MEIG1: variants seen among roughly 807,000 people sequenced by gnomAD.
The protein encoded by MEIG1 is meiosis expressed gene 1 protein homolog.
MEIG1 carries 12 observed loss-of-function variants against 11.3 expected under a neutral mutation model. The observed-to-expected ratio is 1.07, with a 90% confidence interval of 0.68 to 1.73. MEIG1 has a LOEUF of 1.73. Among genes scored for constraint, MEIG1 ranks in the 40% most tolerant of loss-of-function variants. The probability of loss-of-function intolerance (pLI) is 0.00; values close to 1 mark genes in which losing one functional copy is unlikely to be tolerated. For synonymous variants in MEIG1, 41 were observed against 33.2 expected, an observed-to-expected ratio of 1.24 and a Z score of -0.81; for missense variants, 119 against 104.9, an observed-to-expected ratio of 1.13 and a Z score of -0.59.
chr10:14,966,601 T>C lies in MEIG1; in HGVS notation c.133T>C (p.Ser45Pro), dbSNP rs765841850. 3.8e-5 allele frequency: 61 copies of C among 1,608,232 alleles called. No individual in the cohort carries two copies. The highest frequency in any genetic ancestry group is 5.2e-5 in the Non-Finnish European group (61 of 1,178,270). The change falls in exon 2 of 3, where the codon TCT becomes CCT. Residue 45 changes from serine (S) to proline (P), a missense_variant. Coordinates refer to ENST00000407572, the MANE Select transcript of MEIG1 (RefSeq NM_001080836.3). ...ETEYRQVKQV[S>P]MVDRWPETGY... ...CGAATATAGACAAGTGAAACAAGTT[T>C]CTATGGTAAGATTTCTGTCTCTACA...
downstream of MEIG1, among the ~76,000 whole-genome samples, chr10:14,973,723 T>C (rs1589212815): frequency 8.2e-6 from 1 of 121,496 alleles, no homozygotes; most frequent in African/African-American, 3.2e-5. Context: ...TGAGCCAAGA[T>C]CCCGCCACTG....
intron 1 of MEIG1, among the ~76,000 whole-genome samples, chr10:14,985,340 A>G (rs1468276491): frequency 6.6e-6 from 1 of 151,990 alleles, no homozygotes; most frequent in East Asian, 1.9e-4. Flanking sequence ...ACCCTGTGAT[A>G]TTATTTGTAA....
At position 14,960,045 on chromosome 10, in the gene MEIG1, T is replaced by G. The variant is rs1214170548; in HGVS notation, c.-30+488T>G. Among the ~76,000 whole-genome samples, 5 of 152,154 alleles carry G rather than the reference T, an allele frequency of 3.3e-5. No homozygotes were observed. The South Asian group carries it at 1.0e-3, about 32-fold the overall frequency. On this transcript the variant is annotated intron_variant, in intron 1 of 2. Transcript: ENST00000407572. ...CTCCCAGAGCAGGGACCGCCGGGCGTGCTTTCGGAACCGCTTTTGTCTTTC... is the reference window on the plus strand; with the variant it reads ...CTCCCAGAGCAGGGACCGCCGGGCGGGCTTTCGGAACCGCTTTTGTCTTTC...
chr10:14,984,072 C>T (rs143907291), intron 1 of MEIG1, among the ~76,000 whole-genome samples: 2 of 152,134 alleles, frequency 1.3e-5, no homozygotes, highest in Non-Finnish European at 2.9e-5. Flanking sequence ...AGGATGTACA[C>T]CCGTGTATGA....
At chr10:14,984,461 A>C (rs144834083) in intron 1 of MEIG1, among the ~76,000 whole-genome samples, 130 of 152,174 alleles carry the variant, frequency 8.5e-4, no homozygotes, top group African/African-American at 2.6e-3. Flanking sequence ...GATGTTATTC[A>C]CAGTATCCTA....
At chr10:14,963,687 G>C (rs928764688) in intron 1 of MEIG1, among the ~76,000 whole-genome samples, 1 of 152,138 alleles carries the variant, frequency 6.6e-6, no homozygotes, top group Non-Finnish European at 1.5e-5. Flanking sequence ...AAACTGGACC[G>C]GGTGCGGTGG....
chr10:14,972,616 A>G lies in MEIG1; in HGVS notation c.242A>G (p.His81Arg), dbSNP rs1257411048. The G allele has an allele frequency of 6.2e-7, 1 of 1,611,898 alleles. No individual in the cohort carries two copies. Among genetic ancestry groups the G allele is most frequent in the Non-Finnish European group, 8.5e-7 (1 of 1,179,080 alleles). The change falls in exon 3 of 3, where the codon CAC becomes CGC. Residue 81 changes from histidine (H) to arginine (R), a missense_variant. Coordinates refer to ENST00000407572, the MANE Select transcript of MEIG1 (RefSeq NM_001080836.3). ...KQRECDDKEVHKVKIYAY is the reference protein window; with the variant it reads ...KQRECDDKEVRKVKIYAY ...AGGGAATGTGATGACAAAGAAGTCC[A>G]CAAAGTGAAAATTTATGCTTACTAG... is the stretch of plus-strand genomic sequence containing the variant.
At chr10:14,956,365 G>T (rs1171319594), upstream of MEIG1, among the ~76,000 whole-genome samples, 2 of 151,992 alleles carry the variant, frequency 1.3e-5, no homozygotes, top group Non-Finnish European at 2.9e-5. Context: ...GATCACCCGA[G>T]GTCAGGAGTT....
At chr10:14,957,295 A>G (rs1842961330), upstream of MEIG1, among the ~76,000 whole-genome samples, 1 of 152,222 alleles carries the variant, frequency 6.6e-6, no homozygotes. Context: ...AGTAGAGCTC[A>G]GATTTAAATC....
chr10:14,957,510 G>A (rs1842963197), upstream of MEIG1, among the ~76,000 whole-genome samples: 1 of 152,232 alleles, frequency 6.6e-6, no homozygotes. Flanking sequence ...GAAGGAGGGA[G>A]GGTGTTGTGA....
intron 1 of MEIG1, among the ~76,000 whole-genome samples, chr10:14,984,542 G>A (rs965359450): frequency 2.0e-5 from 3 of 151,986 alleles, no homozygotes; most frequent in Admixed American, 1.3e-4. Flanking sequence ...CTAAGGGGAG[G>A]TTACTTTTAT....
downstream of MEIG1, among the ~76,000 whole-genome samples, chr10:14,975,263 G>T (rs140083510): frequency 5.9e-4 from 90 of 152,120 alleles, no homozygotes; most frequent in Non-Finnish European, 9.9e-4. Context: ...CGCAGGCTGT[G>T]TACACCCACC....
intron 2 of MEIG1, among the ~76,000 whole-genome samples, chr10:14,967,186 A>AC (rs920320894): frequency 2.4e-4 from 5 of 20,476 alleles, no homozygotes; most frequent in South Asian, 3.5e-3. Context: ...GGTAGACCAC[A>AC]AAAAAAAAGC....
rs1271592743 is a variant in MEIG1 at position 14,987,022 on chromosome 10, T to A, written n.285+8T>A. 9.5e-6 allele frequency: 6 copies of A among 630,704 alleles called. No individual in the cohort carries two copies. The African/African-American group carries it at 1.1e-4, about 12-fold the overall frequency. The allele number at this position is 630,704 out of a possible 1,614,324, so 39.1% of individuals were successfully genotyped here. A position where few individuals can be genotyped will look rare whatever the true frequency, so the allele number is the denominator to read the frequency against. ...AACGAAGAAGACACAGAGGTGAGGA[T>A]TCATGATGACTGGGTAGTGCAGAGG... On this transcript the variant is annotated splice_region_variant and intron_variant and non_coding_transcript_variant, in intron 2 of 2. Coordinates refer to the MEIG1 transcript ENST00000467536.
chr10:14,958,691 T>A (rs1842975671), upstream of MEIG1, among the ~76,000 whole-genome samples: 1 of 152,004 alleles, frequency 6.6e-6, no homozygotes, highest in Non-Finnish European at 1.5e-5. Context: ...GGTCAGGAGA[T>A]CGAGATCATC....
intron 1 of MEIG1, among the ~76,000 whole-genome samples, chr10:14,961,360 A>G (rs61845578): frequency 0.45 from 68,463 of 151,954 alleles, 16,138 homozygotes; most frequent in South Asian, 0.54. Flanking sequence ...CCACGGGACC[A>G]TCTGTATGCA....
At chr10:14,981,445 ACAGT>A in intron 1 of MEIG1, among the ~76,000 whole-genome samples, 1 of 152,188 alleles carries the variant, frequency 6.6e-6, no homozygotes, top group African/African-American at 2.4e-5. Context: ...ATGTCCTCCT[ACAGT>A]ACAAGTCCGA....
downstream of MEIG1, among the ~76,000 whole-genome samples, chr10:14,975,764 G>T (rs1187105590): frequency 6.6e-6 from 1 of 152,088 alleles, no homozygotes; most frequent in Non-Finnish European, 1.5e-5. Flanking sequence ...GGAGAGAAGA[G>T]GATGATGTTA....
chr10:14,972,520 G>A lies in MEIG1; in HGVS notation c.146G>A (p.Arg49His), dbSNP rs776040423. 10 of 1,613,860 alleles carry A rather than the reference G, an allele frequency of 6.2e-6. No homozygotes were observed. Among genetic ancestry groups the A allele is most frequent in the Middle Eastern group, 1.6e-4 (1 of 6,084 alleles). The change falls in exon 3 of 3, where the codon CGT (arginine) becomes CAT (histidine). Residue 49 changes from arginine (R) to histidine (H), a missense_variant. Coordinates refer to ENST00000407572, the MANE Select transcript of MEIG1 (RefSeq NM_001080836.3). ...CTGGTTCTTGATGTGCAGGTAGATC[G>A]TTGGCCGGAGACAGGATATGTGAAG... ...RQVKQVSMVDRWPETGYVKKL... is the reference protein window; with the variant it reads ...RQVKQVSMVDHWPETGYVKKL...
Sources: gnomAD v4.1 joint callset for allele counts (sites outside exome capture counted in the v4.1 genomes callset) on GRCh38, gnomAD v4.1.1 for gene constraint, MANE v1.5 for transcripts, NCBI Gene and HGNC (gene_info 2026-07-23, HGNC 2026-07-21) for gene names.